The following PIP5K1B variants were observed in gnomAD, a reference collection of about 807,000 sequenced individuals.
The protein encoded by PIP5K1B is phosphatidylinositol 4-phosphate 5-kinase type-1 beta.
Under a neutral mutation model 67.0 loss-of-function variants are expected in PIP5K1B, and 42 were observed. The ratio of observed to expected loss-of-function variants is 0.63; its 90% CI spans 0.49 to 0.81. The LOEUF is 0.81. PIP5K1B is among the 30% of genes least tolerant of loss of function. The pLI is 0.00. For missense variants in PIP5K1B, 459 were observed against 646.3 expected (o/e 0.71, Z 3.14); for synonymous variants, 214 against 231.4 (o/e 0.92, Z 0.68).
chr9:68,917,427 C>T, intron 8 of PIP5K1B, 121 bp from the exon 9 acceptor site: 1 of 734,186 alleles, frequency 1.4e-6, no homozygotes, highest in East Asian at 2.5e-5. Context: ...ATCTCTCAGC[C>T]ACCCCGCTGG....
chr9:68,946,064 A>G (rs1352258583), intron 14 of PIP5K1B, among the ~76,000 whole-genome samples: 1 of 152,230 alleles, frequency 6.6e-6, no homozygotes, highest in Non-Finnish European at 1.5e-5. Context: ...ATCACTACGT[A>G]ATCATCGAGA....
intron 4 of PIP5K1B, among the ~76,000 whole-genome samples, chr9:68,838,159 T>C (rs1821729890): frequency 1.3e-5 from 2 of 152,108 alleles, no homozygotes; most frequent in South Asian, 4.1e-4. Flanking sequence ...GTGAGTTTAT[T>C]TTGTAAACTG....
chr9:68,998,629 TG>T, intron 15 of PIP5K1B, among the ~76,000 whole-genome samples: 1 of 152,226 alleles, frequency 6.6e-6, no homozygotes, highest in South Asian at 2.1e-4. Flanking sequence ...GGTGTGAACT[TG>T]GGGTCTGCGA....
intron 4 of PIP5K1B, among the ~76,000 whole-genome samples, chr9:68,851,837 C>T (rs1224053981): frequency 2.6e-5 from 4 of 152,208 alleles, no homozygotes; most frequent in African/African-American, 9.6e-5. Flanking sequence ...TTCCAAAGCA[C>T]AGCTGGGTCT....
At chr9:68,966,094 A>C (rs1829015937) in intron 14 of PIP5K1B, among the ~76,000 whole-genome samples, 1 of 152,172 alleles carries the variant, frequency 6.6e-6, no homozygotes, top group Admixed American at 6.5e-5. Context: ...TTTGAGCAAT[A>C]AAATAACACA....
chr9:68,973,345 C>A (rs1237757300), intron 14 of PIP5K1B, among the ~76,000 whole-genome samples: 3 of 152,116 alleles, frequency 2.0e-5, no homozygotes, highest in Non-Finnish European at 4.4e-5. Context: ...ATTTTGAGAG[C>A]ATTTTTAGTA....
At chr9:68,991,041 C>A in intron 14 of PIP5K1B, 99 bp from the exon 15 acceptor site, 1 of 719,390 alleles carries the variant, frequency 1.4e-6, no homozygotes, top group Admixed American at 2.1e-5. Context: ...AATTGTTTAT[C>A]CCCAAAAGCT....
intron 2 of PIP5K1B, among the ~76,000 whole-genome samples, chr9:68,796,982 A>G (rs984275995): frequency 6.6e-6 from 1 of 152,180 alleles, no homozygotes; most frequent in African/African-American, 2.4e-5. Context: ...TTATGACATC[A>G]TGGTTGTCAG....
At chr9:68,908,091 C>T (rs1316432239) in intron 8 of PIP5K1B, among the ~76,000 whole-genome samples, 1 of 152,196 alleles carries the variant, frequency 6.6e-6, no homozygotes, top group Non-Finnish European at 1.5e-5. Flanking sequence ...GCCTCTGAGT[C>T]TCACAAGACA....
chr9:68,947,969 A>T (rs1464522402), intron 14 of PIP5K1B, among the ~76,000 whole-genome samples: 3 of 152,208 alleles, frequency 2.0e-5, no homozygotes, highest in Non-Finnish European at 2.9e-5. Flanking sequence ...TTGGGAGCAG[A>T]TAGCCATCAC....
At chr9:68,750,921 A>G (rs1829596899) in intron 2 of PIP5K1B, among the ~76,000 whole-genome samples, 1 of 152,128 alleles carries the variant, frequency 6.6e-6, no homozygotes, top group Non-Finnish European at 1.5e-5. Flanking sequence ...GCTGATGACT[A>G]ATGGTTGGAA....
intron 1 of PIP5K1B, among the ~76,000 whole-genome samples, chr9:68,733,301 C>A (rs1004485732): frequency 2.6e-5 from 4 of 152,180 alleles, no homozygotes; most frequent in Non-Finnish European, 5.9e-5. Flanking sequence ...TCCACCAAAG[C>A]GTGTGAGCCA....
At position 68,970,213 on chromosome 9, in the gene PIP5K1B, G is replaced by C. The variant is rs1201943402; in HGVS notation, c.1503-20927G>C. Among the ~76,000 whole-genome samples, 5 of 152,160 alleles carry C rather than the reference G, an allele frequency of 3.3e-5. No homozygotes were observed. The East Asian group carries it at 9.6e-4, about 29-fold the overall frequency. On this transcript the variant is annotated intron_variant, in intron 14 of 15. Transcript: ENST00000265382. ...TGGTAACTTTCTAAAATCATTGACT[G>C]ATAAAATCTAAAATTGTTTAAAGGA... is the stretch of plus-strand genomic sequence containing the variant.
intron 15 of PIP5K1B, among the ~76,000 whole-genome samples, chr9:69,005,694 T>C (rs1183155858): frequency 2.0e-5 from 3 of 152,120 alleles, no homozygotes; most frequent in Admixed American, 6.5e-5. Flanking sequence ...AGACAATTTT[T>C]AATGGGATCT....
intron 4 of PIP5K1B, among the ~76,000 whole-genome samples, chr9:68,832,179 A>T (rs1272824010): frequency 6.6e-6 from 1 of 152,278 alleles, no homozygotes; most frequent in African/African-American, 2.4e-5. Context: ...GAAGATGACT[A>T]AAGTGATCAT....
At chr9:68,778,001 T>C (rs548259909) in intron 2 of PIP5K1B, among the ~76,000 whole-genome samples, 3 of 152,352 alleles carry the variant, frequency 2.0e-5, no homozygotes, top group African/African-American at 7.2e-5. Flanking sequence ...TTAGGTTCTG[T>C]TGTTGCCTTG....
intron 6 of PIP5K1B, among the ~76,000 whole-genome samples, chr9:68,885,172 T>C (rs1008380030): frequency 2.6e-5 from 4 of 152,196 alleles, no homozygotes; most frequent in African/African-American, 7.2e-5. Context: ...TGGATGATCA[T>C]AGAGAACAAT....
intron 2 of PIP5K1B, among the ~76,000 whole-genome samples, chr9:68,779,811 T>G (rs1269225681): frequency 6.6e-6 from 1 of 152,374 alleles, no homozygotes; most frequent in Admixed American, 6.5e-5. Context: ...CACATCACCA[T>G]GGGCCTCTCT....
rs149323456 is a variant in PIP5K1B, at chr9:68,921,297, A to G, written c.1116+1568A>G. On this transcript the variant is annotated intron_variant, in intron 11 of 15. Coordinates refer to ENST00000265382, the MANE Select transcript of PIP5K1B (RefSeq NM_003558.4). The stretch of plus-strand genomic sequence containing the variant: ...AATATAGCAAGACCCTGTCTCTAAA[A>G]GAAAATTTTTTAATTAAAAAAAAAA... 1.9e-4 allele frequency among the ~76,000 whole-genome samples: 29 copies of G among 152,222 alleles called. No individual in the cohort carries two copies. The East Asian group carries it at 5.6e-3, about 29-fold the overall frequency.
Sources: gnomAD v4.1 joint callset for allele counts (sites outside exome capture counted in the v4.1 genomes callset) on GRCh38, gnomAD v4.1.1 for gene constraint, MANE v1.5 for transcripts, NCBI Gene and HGNC (gene_info 2026-07-23, HGNC 2026-07-21) for gene names.